The following APC variants were observed in gnomAD, a reference collection of about 807,000 sequenced individuals.
APC encodes APC regulator of Wnt signaling pathway, also known as adenomatous polyposis coli protein.
A neutral mutation model predicts 247.0 loss-of-function variants in APC; 72 were observed. The ratio of observed to expected loss-of-function variants is 0.29; its 90% CI spans 0.24 to 0.35. APC has a LOEUF of 0.35. Among genes scored for constraint, APC ranks in the 10% least tolerant of loss-of-function variants. The pLI is 1.00. For missense variants in APC, 3,400 were observed against 3,360.7 expected, an observed-to-expected ratio of 1.01 and a Z score of -0.29; for synonymous variants, 1,254 against 1,162.5, an observed-to-expected ratio of 1.08 and a Z score of -1.60.
intron 1 of APC, among the ~76,000 whole-genome samples, chr5:112,713,903 C>G (rs1751009171): frequency 6.6e-6 from 1 of 152,170 alleles, no homozygotes; most frequent in African/African-American, 2.4e-5. Flanking sequence ...AGTGATCCGC[C>G]CACCTTGGCA....
At chr5:112,775,605 C>A in intron 4 of APC, 24 bp from the exon 5 acceptor site, 2 of 1,457,502 alleles carry the variant, frequency 1.4e-6, no homozygotes, top group Admixed American at 1.7e-5. Context: ...TTAAACGTAC[C>A]TTTTTTTAAA....
chr5:112,737,845 ACCGACATGTGG>A, upstream of APC: 2 of 985,644 alleles, frequency 2.0e-6, no homozygotes, highest in Non-Finnish European at 2.4e-6. Context: ...GGCGCACGTG[ACCGACATGTGG>A]CTGTATTGGT....
chr5:112,710,920 A>G (rs1750811308), intron 1 of APC, among the ~76,000 whole-genome samples: 1 of 152,264 alleles, frequency 6.6e-6, no homozygotes. Context: ...TAGAGTTCTT[A>G]CTAAATGCTT....
rs143555939 is a variant in APC, at chr5:112,821,512, T to G, written c.1313-384T>G. The stretch of plus-strand genomic sequence containing the variant: ...GAGCAAGACCCTGTTTTGTTTTTTT[T>G]TTGTTGTTTTTTTAAAGAAAGAAAG... On this transcript the variant is annotated intron_variant, in intron 10 of 15. Transcript: ENST00000257430. 6.0e-4 allele frequency among the ~76,000 whole-genome samples: 91 copies of G among 152,032 alleles called. 1 individual carries two copies. The highest frequency in any genetic ancestry group is 1.5e-3 in the African/African-American group (62 of 41,468).
chr5:112,717,188 C>G (rs1751221574), intron 1 of APC, among the ~76,000 whole-genome samples: 1 of 151,916 alleles, frequency 6.6e-6, no homozygotes, highest in Non-Finnish European at 1.5e-5. Flanking sequence ...TTTTTTTGTA[C>G]TTTGAGTAGA....
At chr5:112,821,776 C>G (rs2149791278) in intron 10 of APC, 120 bp from the exon 11 acceptor site, 1 of 727,464 alleles carries the variant, frequency 1.4e-6, no homozygotes, top group Non-Finnish European at 2.4e-6. Flanking sequence ...ATTTGTTGAT[C>G]CACTAAAATT....
chr5:112,719,566 G>T (rs1301015892), intron 1 of APC, among the ~76,000 whole-genome samples: 2 of 148,798 alleles, frequency 1.3e-5, no homozygotes, highest in Non-Finnish European at 3.0e-5. Context: ...TGGAGACAGA[G>T]TCTTACTGTG....
At chr5:112,773,857 A>G (rs972672059) in intron 4 of APC, among the ~76,000 whole-genome samples, 7 of 152,218 alleles carry the variant, frequency 4.6e-5, no homozygotes, top group African/African-American at 1.7e-4. Flanking sequence ...AACTTGAACA[A>G]AATGTTTAAT....
chr5:112,718,232 A>T (rs1751291701), intron 1 of APC, among the ~76,000 whole-genome samples: 1 of 152,052 alleles, frequency 6.6e-6, no homozygotes, highest in Admixed American at 6.6e-5. Flanking sequence ...AGTCTCTAGG[A>T]AGCTGATTCA....
intron 5 of APC, chr5:112,777,916 T>G (rs1026730684): frequency 5.1e-6 from 1 of 195,008 alleles, no homozygotes; most frequent in Middle Eastern, 8.2e-4. Context: ...GATAAAGATT[T>G]TCTGTTTGTG....
intron 6 of APC, among the ~76,000 whole-genome samples, chr5:112,789,764 A>C (rs1365702083): frequency 1.3e-5 from 2 of 152,204 alleles, no homozygotes; most frequent in African/African-American, 4.8e-5. Flanking sequence ...TCATCTTTGC[A>C]ATATCTTTAG....
At chr5:112,831,191 C>T (rs1764262491) in intron 14 of APC, among the ~76,000 whole-genome samples, 1 of 152,112 alleles carries the variant, frequency 6.6e-6, no homozygotes, top group Admixed American at 6.5e-5. Context: ...TAACTGCAAC[C>T]TCCAACTCCC....
At chr5:112,725,910 G>A (rs114957816) in intron 1 of APC, among the ~76,000 whole-genome samples, 1,548 of 152,324 alleles carry the variant, frequency 0.01, 24 homozygotes, top group African/African-American at 0.035. Flanking sequence ...ATGAGGTACA[G>A]ACTGGTTCAG....
At chr5:112,730,312 T>C (rs567116692) in intron 1 of APC, among the ~76,000 whole-genome samples, 1 of 152,360 alleles carries the variant, frequency 6.6e-6, no homozygotes, top group East Asian at 1.9e-4. Context: ...TAACTTTTTA[T>C]GAGGGATGAG....
chr5:112,725,931 C>T (rs1751750476), intron 1 of APC, among the ~76,000 whole-genome samples: 1 of 152,194 alleles, frequency 6.6e-6, no homozygotes, highest in South Asian at 2.1e-4. Context: ...GATCAAGATC[C>T]TTATTAATAG....
At position 112,840,088 on chromosome 5, in the gene APC, T is replaced by C. The variant is rs1580648891; in HGVS notation, c.4494T>C (p.Asp1498=). ...ATTTTGCCACGGAAAGTACTCCAGA[T>C]GGATTTTCTTGTTCATCCAGCCTGA... ...LLHFATESTP[D]GFSCSSSLSA... is the part of the protein sequence containing the mutation. The change falls in exon 16 of 16, where the codon GAT becomes GAC. Residue 1498 remains aspartate, a synonymous_variant. Coordinates refer to ENST00000257430, the MANE Select transcript of APC (RefSeq NM_000038.6). The surrounding 1 kb of genome is among the most constrained non-coding windows in gnomAD (Gnocchi z 4.1). The C allele has an allele frequency of 9.3e-6, 15 of 1,614,164 alleles. No homozygotes were observed. The highest frequency in any genetic ancestry group is 1.2e-5 in the Non-Finnish European group (14 of 1,180,010).
At chr5:112,716,964 C>G (rs1751205653) in intron 1 of APC, among the ~76,000 whole-genome samples, 1 of 152,084 alleles carries the variant, frequency 6.6e-6, no homozygotes, top group African/African-American at 2.4e-5. Context: ...CACTTTAATT[C>G]TACTTACTTG....
intron 1 of APC, among the ~76,000 whole-genome samples, chr5:112,745,297 A>G (rs967066283): frequency 2.6e-5 from 4 of 152,040 alleles, no homozygotes; most frequent in African/African-American, 9.7e-5. Context: ...TAAAAAGATG[A>G]CTCAAAAAGC....
chr5:112,790,583 C>T (rs979269994), intron 6 of APC, among the ~76,000 whole-genome samples: 2 of 152,280 alleles, frequency 1.3e-5, no homozygotes, highest in South Asian at 4.1e-4. Context: ...TCTGCCTCGG[C>T]CTCCTGAAGT....
Sources: allele counts gnomAD v4.1 joint callset (sites outside exome capture counted in the v4.1 genomes callset), GRCh38; gene constraint gnomAD v4.1.1; non-coding constraint Gnocchi (gnomAD v3.1); transcripts MANE v1.5; gene names NCBI Gene and HGNC (gene_info 2026-07-23, HGNC 2026-07-21).